Variants in YAP1 observed in about 807,000 individuals in gnomAD.
YAP1 encodes the protein transcriptional coactivator YAP1.
Under a neutral mutation model 56.9 loss-of-function variants are expected in YAP1, and 5 were observed. The ratio of observed to expected loss-of-function variants is 0.09; its 90% confidence interval spans 0.05 to 0.18. YAP1 has a LOEUF of 0.18. Ranked by LOEUF, YAP1 falls within the 10% of genes least tolerant of loss-of-function variation. YAP1 has a pLI of 1.00. For missense variants in YAP1, 539 were observed against 651.8 expected, an observed-to-expected ratio of 0.83 and a Z score of 1.88; for synonymous variants, 265 against 248.1, an observed-to-expected ratio of 1.07 and a Z score of -0.64.
At chr11:102,220,900 C>T (rs1463262486) in intron 6 of YAP1, among the ~76,000 whole-genome samples, 1 of 152,106 alleles carries the variant, frequency 6.6e-6, no homozygotes, top group African/African-American at 2.4e-5. Flanking sequence ...GGGTTTTATG[C>T]ATGGAGGTCA....
At position 102,210,519 on chromosome 11, in the gene YAP1, A is replaced by G. The variant is rs527330135; in HGVS notation, c.1032+955A>G. On this transcript the variant is annotated intron_variant, in intron 6 of 8. Coordinates refer to ENST00000282441, the MANE Select transcript of YAP1 (RefSeq NM_001130145.3). Reference sequence around the variant, plus strand: ...TAATTTTGTGAGAGGGAAAATCTCTATTCTTCTTTATCTATCTCATAAATG... The same window carrying G: ...TAATTTTGTGAGAGGGAAAATCTCTGTTCTTCTTTATCTATCTCATAAATG... 3.8e-4 allele frequency among the ~76,000 whole-genome samples: 58 copies of G among 152,290 alleles called. 1 individual carries two copies. In the South Asian group the frequency reaches 1.0e-2, roughly 26 times the overall value.
intron 2 of YAP1, among the ~76,000 whole-genome samples, chr11:102,146,676 A>G (rs1332439573): frequency 6.6e-6 from 1 of 152,010 alleles, no homozygotes; most frequent in Admixed American, 6.6e-5. Context: ...TAATATGTCT[A>G]TTTTTTACAT....
chr11:102,191,330 G>A (rs1463562242), intron 4 of YAP1, among the ~76,000 whole-genome samples: 4 of 151,432 alleles, frequency 2.6e-5, no homozygotes, highest in Non-Finnish European at 5.9e-5. Context: ...GCACCACACA[G>A]CCATTACGAT....
intron 6 of YAP1, among the ~76,000 whole-genome samples, chr11:102,222,002 G>C (rs976600234): frequency 2.0e-5 from 3 of 151,748 alleles, no homozygotes; most frequent in Admixed American, 6.6e-5. Context: ...TTCTGTCATG[G>C]TCCGCTGGTT....
chr11:102,183,700 T>TTGTG (rs1555011904), intron 3 of YAP1, among the ~76,000 whole-genome samples: 1 of 98,002 alleles, frequency 1.0e-5, no homozygotes, highest in African/African-American at 3.9e-5. Flanking sequence ...ATAATGCTGT[T>TTGTG]TCTGTGTGTG....
At chr11:102,219,634 A>G (rs1301437880) in intron 6 of YAP1, among the ~76,000 whole-genome samples, 2 of 152,038 alleles carry the variant, frequency 1.3e-5, no homozygotes, top group African/African-American at 4.8e-5. Context: ...TCCCCATAAG[A>G]CTGCAAGAAA....
intron 3 of YAP1, among the ~76,000 whole-genome samples, chr11:102,165,976 A>C (rs1320174631): frequency 6.6e-6 from 1 of 152,198 alleles, no homozygotes; most frequent in Non-Finnish European, 1.5e-5. Context: ...TGTTCACTCA[A>C]GAGAAGAGAA....
intron 2 of YAP1, among the ~76,000 whole-genome samples, chr11:102,130,720 C>CT (rs61175592): frequency 0.012 from 1,155 of 98,118 alleles, 14 homozygotes; most frequent in Non-Finnish European, 0.013. Context: ...GATAACTACT[C>CT]TTTTTTTTTT....
intron 2 of YAP1, among the ~76,000 whole-genome samples, chr11:102,156,283 T>A (rs1451837107): frequency 6.6e-6 from 1 of 152,236 alleles, no homozygotes; most frequent in Admixed American, 6.5e-5. Context: ...ATAAATGTCT[T>A]ACTGTATGTA....
At chr11:102,205,448 G>C (rs550489411) in intron 4 of YAP1, among the ~76,000 whole-genome samples, 2 of 152,208 alleles carry the variant, frequency 1.3e-5, no homozygotes, top group Admixed American at 6.5e-5. Flanking sequence ...TTATAAATAA[G>C]GTTCTCCACC....
intron 4 of YAP1, among the ~76,000 whole-genome samples, chr11:102,198,946 A>G (rs1270423996): frequency 6.6e-6 from 1 of 152,206 alleles, no homozygotes; most frequent in East Asian, 1.9e-4. Context: ...ATATTTTTGT[A>G]AATCATAGGA....
chr11:102,114,049 G>C (rs1226790955), intron 1 of YAP1, 95 bp from the exon 2 acceptor site: 2 of 1,351,974 alleles, frequency 1.5e-6, no homozygotes, highest in Non-Finnish European at 2.0e-6. Flanking sequence ...TTGGTACTTA[G>C]ATATTCGGCT....
intron 2 of YAP1, among the ~76,000 whole-genome samples, chr11:102,114,910 G>A (rs1943183708): frequency 6.6e-6 from 1 of 152,112 alleles, no homozygotes; most frequent in South Asian, 2.1e-4. Flanking sequence ...GAAGCTTGAT[G>A]TGACTTACCA....
At chr11:102,222,856 T>C (rs1345739839) in intron 6 of YAP1, among the ~76,000 whole-genome samples, 1 of 151,792 alleles carries the variant, frequency 6.6e-6, no homozygotes, top group African/African-American at 2.4e-5. Flanking sequence ...GATGCTATTC[T>C]TCCTACTTCT....
chr11:102,122,631 C>T (rs1221351432), intron 2 of YAP1, among the ~76,000 whole-genome samples: 3 of 151,936 alleles, frequency 2.0e-5, no homozygotes, highest in Non-Finnish European at 4.4e-5. Flanking sequence ...TGGTGGCTCA[C>T]GCCTGTAATC....
intron 3 of YAP1, among the ~76,000 whole-genome samples, chr11:102,164,181 C>T (rs1946462210): frequency 6.6e-6 from 1 of 151,966 alleles, no homozygotes; most frequent in African/African-American, 2.4e-5. Flanking sequence ...ACTACAGGCG[C>T]CTGCCTCCAC....
rs553964714 is a variant in YAP1 at position 102,118,958 on chromosome 11, C to T, written c.572+4564C>T. ...AGAGTTTCCCTTTAAAACTGAAAAGCTTGTAATTTTGCCATTAAATGTTAA... is the reference window on the plus strand; with the variant it reads ...AGAGTTTCCCTTTAAAACTGAAAAGTTTGTAATTTTGCCATTAAATGTTAA... On this transcript the variant is annotated intron_variant, in intron 2 of 8. Transcript: ENST00000282441. Among the ~76,000 whole-genome samples, 3 of 152,072 alleles carry T rather than the reference C, an allele frequency of 2.0e-5. No homozygotes were observed. In the East Asian group the frequency reaches 5.9e-4, roughly 30 times the overall value.
At chr11:102,183,857 A>T (rs1171570910) in intron 3 of YAP1, among the ~76,000 whole-genome samples, 3 of 151,824 alleles carry the variant, frequency 2.0e-5, no homozygotes, top group African/African-American at 7.3e-5. Flanking sequence ...CGGGCGGATC[A>T]CGAGGTCAGG....
At chr11:102,144,139 C>G (rs148011225) in intron 2 of YAP1, among the ~76,000 whole-genome samples, 3 of 152,096 alleles carry the variant, frequency 2.0e-5, no homozygotes, top group Admixed American at 2.0e-4. Flanking sequence ...TGATTGAGCA[C>G]TGAAAGTAGT....
Sources: allele counts gnomAD v4.1 joint callset (sites outside exome capture counted in the v4.1 genomes callset), GRCh38; gene constraint gnomAD v4.1.1; transcripts MANE v1.5; gene names NCBI Gene and HGNC (gene_info 2026-07-23, HGNC 2026-07-21).